The following FBN1 variants were observed in gnomAD, a reference collection of about 807,000 sequenced individuals.
FBN1 encodes fibrillin 1.
Under a neutral mutation model 365.1 loss-of-function variants are expected in FBN1, and 29 were observed. That is an observed-to-expected ratio of 0.08 (90% CI 0.06 to 0.11). The LOEUF (loss-of-function observed/expected upper bound fraction) is 0.11, where lower values mean the gene tolerates loss of function less well. Among genes scored for constraint, FBN1 ranks in the 10% least tolerant of loss-of-function variants. The probability of loss-of-function intolerance (pLI) is 1.00; values close to 1 mark genes in which losing one functional copy is unlikely to be tolerated. For synonymous variants in FBN1, 1,210 were observed against 1,270.5 expected (o/e 0.95, Z 1.01); for missense variants, 2,476 against 3,703.2 (o/e 0.67, Z 8.60).
chr15:48,545,683 T>G (rs938919161), intron 6 of FBN1, among the ~76,000 whole-genome samples: 4 of 151,978 alleles, frequency 2.6e-5, no homozygotes, highest in African/African-American at 9.7e-5. Context: ...CACAAAGAAG[T>G]GGTTAAAATG....
rs530991469 is a variant in FBN1 at position 48,427,866 on chromosome 15, G to A, written c.6998-93C>T. 9.5e-5 allele frequency: 104 copies of A among 1,093,856 alleles called. 1 individual carries two copies. The South Asian group carries it at 1.4e-3, about 14-fold the overall frequency. The allele number at this position is 1,093,856 out of a possible 1,614,324, so 67.8% of individuals were successfully genotyped here. Reference sequence around the variant, plus strand: ...TTGGTCAGATATAAAAACCAAAAAAGGATGTAACACTTTACCCTGGGTGAG... The same window carrying A: ...TTGGTCAGATATAAAAACCAAAAAAAGATGTAACACTTTACCCTGGGTGAG... On this transcript the variant is annotated intron_variant, in intron 57 of 65. Coordinates refer to ENST00000316623, the MANE Select transcript of FBN1 (RefSeq NM_000138.5).
chr15:48,502,485 C>T (rs1303856360), intron 17 of FBN1, among the ~76,000 whole-genome samples: 2 of 152,136 alleles, frequency 1.3e-5, no homozygotes, highest in South Asian at 2.1e-4. Flanking sequence ...TAATTTGTTT[C>T]CTTTAGGGCA....
intron 6 of FBN1, among the ~76,000 whole-genome samples, chr15:48,544,728 G>A (rs946617414): frequency 6.6e-6 from 1 of 152,116 alleles, no homozygotes; most frequent in African/African-American, 2.4e-5. Flanking sequence ...TAGAAATCTT[G>A]TTCAGAGTAA....
At chr15:48,542,663 A>G (rs598029) in intron 6 of FBN1, among the ~76,000 whole-genome samples, 72,624 of 151,876 alleles carry the variant, frequency 0.48, 21,367 homozygotes, top group African/African-American at 0.84. Context: ...CCTGGGTCCC[A>G]CCCTGTCCTC....
At chr15:48,441,648 C>T in intron 50 of FBN1, 73 bp downstream of exon 50, 1 of 1,580,442 alleles carries the variant, frequency 6.3e-7, no homozygotes. Flanking sequence ...CAGAGCTTTG[C>T]CATGTTTGAA....
chr15:48,528,984 T>A (rs1173941481), intron 8 of FBN1: 2 of 152,204 alleles, frequency 1.3e-5, no homozygotes, highest in Non-Finnish European at 2.9e-5. Context: ...CTGAAACTCA[T>A]TCATATGAAT....
At chr15:48,523,709 CTG>C (rs1491160881) in intron 9 of FBN1, among the ~76,000 whole-genome samples, 1 of 71,454 alleles carries the variant, frequency 1.4e-5, no homozygotes, top group East Asian at 4.1e-4. Flanking sequence ...CCAAGGGTGG[CTG>C]GGGGGGGGGG....
At chr15:48,626,837 T>C (rs1418082330) in intron 2 of FBN1, among the ~76,000 whole-genome samples, 1 of 152,198 alleles carries the variant, frequency 6.6e-6, no homozygotes, top group Non-Finnish European at 1.5e-5. Flanking sequence ...ATCAGTACTT[T>C]AGTCCACATG....
chr15:48,616,500 A>G (rs1203880385), intron 2 of FBN1, among the ~76,000 whole-genome samples: 1 of 152,272 alleles, frequency 6.6e-6, no homozygotes, highest in East Asian at 1.9e-4. Flanking sequence ...TCTGGAAATA[A>G]ATGAATGTCT....
rs1472829480 is a variant in FBN1, at chr15:48,495,634, G to A, written c.2420-46C>T. On this transcript the variant is annotated intron_variant, in intron 20 of 65. Coordinates refer to ENST00000316623, the MANE Select transcript of FBN1 (RefSeq NM_000138.5). ...CATTACTGCTAAAATCTAGTCTTGGGCCTAAAAGAGTACTTCAACTTTGAC... is the reference window on the plus strand; with the variant it reads ...CATTACTGCTAAAATCTAGTCTTGGACCTAAAAGAGTACTTCAACTTTGAC... 3.7e-6 allele frequency: 6 copies of A among 1,612,824 alleles called. No individual in the cohort carries two copies. In the Admixed American group the frequency reaches 1.0e-4, roughly 27 times the overall value.
intron 9 of FBN1, among the ~76,000 whole-genome samples, chr15:48,523,889 G>A (rs1203282290): frequency 6.6e-6 from 1 of 152,188 alleles, no homozygotes; most frequent in African/African-American, 2.4e-5. Flanking sequence ...CGAAGAGGAG[G>A]AGGAAATCTC....
chr15:48,528,634 C>T (rs992851070), intron 8 of FBN1, among the ~76,000 whole-genome samples: 1 of 152,120 alleles, frequency 6.6e-6, no homozygotes, highest in African/African-American at 2.4e-5. Flanking sequence ...GGAGTTTCCA[C>T]CTAGGTACAT....
intron 42 of FBN1, among the ~76,000 whole-genome samples, chr15:48,461,877 G>A (rs1324981143): frequency 1.3e-5 from 2 of 152,140 alleles, no homozygotes; most frequent in African/African-American, 2.4e-5. Context: ...TATGAAATAC[G>A]ATTCTCCTGA....
At chr15:48,487,026 A>G (rs775442482) in intron 29 of FBN1, 49 bp downstream of exon 29, 11 of 1,282,204 alleles carry the variant, frequency 8.6e-6, no homozygotes, top group African/African-American at 3.1e-5. Context: ...AACATAACAT[A>G]AAATAAAGTA....
intron 6 of FBN1, among the ~76,000 whole-genome samples, chr15:48,572,487 AT>A (rs2044313883): frequency 6.6e-6 from 1 of 152,026 alleles, no homozygotes; most frequent in African/African-American, 2.4e-5. Flanking sequence ...CAGTAAAAAA[AT>A]TTTTAAGAAA....
intron 6 of FBN1, among the ~76,000 whole-genome samples, chr15:48,564,862 C>T (rs937176198): frequency 3.9e-5 from 6 of 152,148 alleles, no homozygotes; most frequent in African/African-American, 1.4e-4. Flanking sequence ...CTGGTCTCAC[C>T]TTTCCCCCAG....
At chr15:48,423,559 G>A (rs1195896147) in intron 60 of FBN1, among the ~76,000 whole-genome samples, 1 of 152,194 alleles carries the variant, frequency 6.6e-6, no homozygotes, top group South Asian at 2.1e-4. Context: ...TGCAACAGGT[G>A]AGGAAGATGA....
intron 4 of FBN1, among the ~76,000 whole-genome samples, chr15:48,607,310 T>C (rs1296660557): frequency 1.3e-5 from 2 of 149,712 alleles, no homozygotes; most frequent in East Asian, 3.9e-4. Flanking sequence ...ACTTTTATCA[T>C]GTATCATATA....
chr15:48,558,309 C>G (rs1047530507), intron 6 of FBN1, among the ~76,000 whole-genome samples: 3 of 152,184 alleles, frequency 2.0e-5, no homozygotes, highest in African/African-American at 7.2e-5. Context: ...AAAACCATTT[C>G]AACTTCAACA....
Sources: gnomAD v4.1 joint callset for allele counts (sites outside exome capture counted in the v4.1 genomes callset) on GRCh38, gnomAD v4.1.1 for gene constraint, MANE v1.5 for transcripts, NCBI Gene and HGNC (gene_info 2026-07-23, HGNC 2026-07-21) for gene names.